Variants in NSD1 observed in about 807,000 individuals in gnomAD.
NSD1 encodes nuclear receptor binding SET domain protein 1.
Under a neutral mutation model 242.7 loss-of-function variants are expected in NSD1, and 26 were observed. That is an observed-to-expected ratio of 0.11 (90% CI 0.08 to 0.15). The LOEUF is 0.15. NSD1 is among the 10% of genes least tolerant of loss of function. The pLI is 1.00. For missense variants in NSD1, 2,495 were observed against 3,272.8 expected (o/e 0.76, Z 5.80); for synonymous variants, 1,106 against 1,178.1 (o/e 0.94, Z 1.25).
At chr5:177,151,541 AC>A (rs1757697807) in intron 2 of NSD1, among the ~76,000 whole-genome samples, 1 of 151,860 alleles carries the variant, frequency 6.6e-6, no homozygotes, top group South Asian at 2.1e-4. Context: ...GGCATGTGCC[AC>A]CACGCCCGGC....
chr5:177,141,615 C>T (rs1316852109), intron 2 of NSD1, among the ~76,000 whole-genome samples: 2 of 152,012 alleles, frequency 1.3e-5, no homozygotes, highest in Non-Finnish European at 1.5e-5. Flanking sequence ...CAGGTGTGAG[C>T]CACCACGACC....
chr5:177,229,083 A>T (rs911047442), intron 5 of NSD1, among the ~76,000 whole-genome samples: 8 of 139,428 alleles, frequency 5.7e-5, no homozygotes, highest in East Asian at 3.9e-4. Context: ...TTTCTGATTT[A>T]AAAAAAAAAA....
chr5:177,145,297 T>C (rs1004077483), intron 2 of NSD1, among the ~76,000 whole-genome samples: 2 of 150,956 alleles, frequency 1.3e-5, no homozygotes, highest in Non-Finnish European at 1.5e-5. Context: ...TTTTTTTTTT[T>C]GGACAGTGTC....
At chr5:177,170,279 A>G (rs1206054762) in intron 2 of NSD1, among the ~76,000 whole-genome samples, 1 of 150,924 alleles carries the variant, frequency 6.6e-6, no homozygotes, top group African/African-American at 2.4e-5. Context: ...GCTGTGGTGT[A>G]TAATTTATTT....
chr5:177,227,669 A>G (rs890612542), intron 5 of NSD1, among the ~76,000 whole-genome samples: 1 of 152,040 alleles, frequency 6.6e-6, no homozygotes, highest in African/African-American at 2.4e-5. Flanking sequence ...CAAACTCCTG[A>G]CCTCAGGTGA....
chr5:177,280,540 G>T (rs1347210089), intron 17 of NSD1, 25 bp from the exon 18 acceptor site: 2 of 1,614,018 alleles, frequency 1.2e-6, no homozygotes, highest in Admixed American at 1.7e-5. Flanking sequence ...TGTTTTATGC[G>T]GTGTACTTTG....
chr5:177,213,592 T>C lies in NSD1; in HGVS notation c.3796+1397T>C, dbSNP rs535974867. Reference sequence around the variant, plus strand: ...ACGCCATTCTCCTGCCTCAGCCTCCTGAGTAGCTGGGACTACAGGCGCCCG... The same window carrying C: ...ACGCCATTCTCCTGCCTCAGCCTCCCGAGTAGCTGGGACTACAGGCGCCCG... On this transcript the variant is annotated intron_variant, in intron 5 of 22. Coordinates refer to ENST00000439151, the MANE Select transcript of NSD1 (RefSeq NM_022455.5). Among the ~76,000 whole-genome samples the C allele has an allele frequency of 1.4e-3, 210 of 152,260 alleles. 1 individual carries two copies. The highest frequency in any genetic ancestry group is 4.6e-3 in the African/African-American group (191 of 41,552).
intron 5 of NSD1, among the ~76,000 whole-genome samples, chr5:177,218,273 C>T (rs1433784052): frequency 6.6e-6 from 1 of 152,084 alleles, no homozygotes; most frequent in Non-Finnish European, 1.5e-5. Context: ...GTCTCAGACT[C>T]CTGGGCTCAA....
Position 177,296,976 on chromosome 5 carries a change from C to A in NSD1, c.*1517C>A. ...CTCTTAGTTATGGCTTTCACGCTCTCAATAGGATTCTGTATTTGGTCCCAA... is the reference window on the plus strand; with the variant it reads ...CTCTTAGTTATGGCTTTCACGCTCTAAATAGGATTCTGTATTTGGTCCCAA... On this transcript the variant is annotated 3_prime_UTR_variant, in exon 23 of 23. Coordinates refer to ENST00000439151, the MANE Select transcript of NSD1 (RefSeq NM_022455.5). 1 of 233,358 alleles carries A rather than the reference C, an allele frequency of 4.3e-6. No individual in the cohort carries two copies. The highest frequency in any genetic ancestry group is 6.0e-5 in the East Asian group (1 of 16,604). The allele number at this position is 233,358 out of a possible 1,614,324, so 14.5% of individuals were successfully genotyped here.
intron 21 of NSD1, 81 bp from the exon 22 acceptor site, chr5:177,291,873 G>T: frequency 7.9e-7 from 1 of 1,266,976 alleles, no homozygotes; most frequent in Non-Finnish European, 1.1e-6. Context: ...AGAGAATGAG[G>T]CTCAGAGAGG....
chr5:177,147,033 A>G (rs1375675006), intron 2 of NSD1, among the ~76,000 whole-genome samples: 1 of 150,710 alleles, frequency 6.6e-6, no homozygotes, highest in Non-Finnish European at 1.5e-5. Context: ...GTTGCTAAAC[A>G]TTTCTAATAC....
upstream of NSD1, chr5:177,133,655 CG>C (rs1756023609): frequency 6.7e-6 from 1 of 149,258 alleles, no homozygotes; most frequent in African/African-American, 2.4e-5. This position sits in a 1 kb window ranked among gnomAD's most constrained non-coding sequence, Gnocchi z 6.2. Context: ...GGAACGCGCG[CG>C]CTCGGTGGGG....
Position 177,136,904 on chromosome 5 carries a change from G to A in NSD1, c.927+874G>A, listed in dbSNP as rs376850081. 106 of 700,476 alleles carry A rather than the reference G, an allele frequency of 1.5e-4. No homozygotes were observed. In the Admixed American group the frequency reaches 1.6e-3, roughly 11 times the overall value. The allele number at this position is 700,476 out of a possible 1,614,324, so 43.4% of individuals were successfully genotyped here. ...GCCTTGTCATGTTGCCCAGGCTGGC[G>A]TCGGGACTCCTGGGCTCATTCGATC... On this transcript the variant is annotated intron_variant, in intron 2 of 22. Transcript: ENST00000439151.
intron 4 of NSD1, among the ~76,000 whole-genome samples, chr5:177,209,208 C>T (rs2149841740): frequency 6.6e-6 from 1 of 152,056 alleles, no homozygotes; most frequent in South Asian, 2.1e-4. Flanking sequence ...TCCATAAAAG[C>T]AGGAGGCCTG....
intron 3 of NSD1, among the ~76,000 whole-genome samples, chr5:177,201,033 T>C (rs984957109): frequency 2.0e-5 from 3 of 151,466 alleles, no homozygotes; most frequent in Non-Finnish European, 2.9e-5. Context: ...TACAGGTGCA[T>C]ACCACCACAC....
intron 5 of NSD1, among the ~76,000 whole-genome samples, chr5:177,229,578 C>G (rs73347638): frequency 0.04 from 6,060 of 152,132 alleles, 412 homozygotes; most frequent in African/African-American, 0.14. Context: ...AAATCACTTA[C>G]TTTTTTGCCT....
chr5:177,183,566 AATTACATTAGGGTAAATGGAGTTACC>A (rs1760868519), intron 2 of NSD1, among the ~76,000 whole-genome samples: 1 of 152,196 alleles, frequency 6.6e-6, no homozygotes, highest in African/African-American at 2.4e-5. Context: ...AATATGTAAT[AATTACATTAGGGTAAATGGAGTTACC>A]ATCCCCTCAA....
chr5:177,167,842 A>G (rs1048006403), intron 2 of NSD1, among the ~76,000 whole-genome samples: 2 of 152,200 alleles, frequency 1.3e-5, no homozygotes, highest in African/African-American at 2.4e-5. Context: ...TGGGTTAATC[A>G]GGATGTAACC....
intron 2 of NSD1, among the ~76,000 whole-genome samples, chr5:177,189,771 AAATC>A (rs1761521327): frequency 6.6e-6 from 1 of 152,232 alleles, no homozygotes; most frequent in African/African-American, 2.4e-5. Flanking sequence ...AGTGCCAAAT[AAATC>A]ATATTTAAAT....
Sources: allele counts gnomAD v4.1 joint callset (sites outside exome capture counted in the v4.1 genomes callset), GRCh38; gene constraint gnomAD v4.1.1; non-coding constraint Gnocchi (gnomAD v3.1); transcripts MANE v1.5; gene names NCBI Gene and HGNC (gene_info 2026-07-23, HGNC 2026-07-21).